Variants in ADAMTSL1 observed in about 807,000 individuals in gnomAD.
ADAMTSL1 encodes ADAMTS-like protein 1.
Under a neutral mutation model 201.8 loss-of-function variants are expected in ADAMTSL1, and 126 were observed. The ratio of observed to expected loss-of-function variants is 0.62; its 90% CI spans 0.54 to 0.72. The LOEUF is 0.72. ADAMTSL1 is among the 30% of genes least tolerant of loss of function. The probability of loss-of-function intolerance (pLI) is 0.00; values close to 1 mark genes in which losing one functional copy is unlikely to be tolerated. For missense variants in ADAMTSL1, 2,679 were observed against 2,277.8 expected, an observed-to-expected ratio of 1.18 and a Z score of -3.59; for synonymous variants, 1,121 against 903.4, an observed-to-expected ratio of 1.24 and a Z score of -4.32.
chr9:17,933,152 C>A (rs534144715), intron 1 of ADAMTSL1, among the ~76,000 whole-genome samples: 4 of 152,238 alleles, frequency 2.6e-5, no homozygotes, highest in African/African-American at 7.2e-5. Flanking sequence ...TCAGCAGATG[C>A]CATGCTCCCT....
At chr9:18,267,175 T>G (rs924498158) in intron 2 of ADAMTSL1, among the ~76,000 whole-genome samples, 1 of 152,172 alleles carries the variant, frequency 6.6e-6, no homozygotes, top group Non-Finnish European at 1.5e-5. Context: ...TGGAGCTATT[T>G]TGAATCATGT....
intron 2 of ADAMTSL1, among the ~76,000 whole-genome samples, chr9:18,210,777 A>G (rs1439679164): frequency 3.3e-5 from 5 of 150,948 alleles, no homozygotes; most frequent in African/African-American, 4.9e-5. Flanking sequence ...TTTTTTGCCT[A>G]TCTTAAAGTC....
At position 18,623,580 on chromosome 9, in the gene ADAMTSL1, T is replaced by C. The variant is rs1222522949; in HGVS notation, c.601+1211T>C. Among the ~76,000 whole-genome samples the C allele has an allele frequency of 2.6e-5, 4 of 152,330 alleles. No homozygotes were observed. In the East Asian group the frequency reaches 5.8e-4, roughly 22 times the overall value. On this transcript the variant is annotated intron_variant, in intron 5 of 28. Transcript: ENST00000380548. ...CTCAGATGTCTACCCAGTCAGGTCC[T>C]GCTAGGATAGATGGTACAAGTTCTC...
intron 2 of ADAMTSL1, among the ~76,000 whole-genome samples, chr9:18,295,007 G>A (rs915683275): frequency 7.9e-5 from 12 of 151,946 alleles, no homozygotes; most frequent in African/African-American, 2.2e-4. Flanking sequence ...AGATCACAGC[G>A]TGTGGCTGTC....
intron 2 of ADAMTSL1, among the ~76,000 whole-genome samples, chr9:18,304,989 A>G (rs1328940868): frequency 6.6e-6 from 1 of 152,188 alleles, no homozygotes; most frequent in East Asian, 1.9e-4. Flanking sequence ...TGATTTCTGC[A>G]TTTCCAGCTG....
chr9:18,322,265 C>G lies in ADAMTSL1; in HGVS notation c.207+158284C>G, dbSNP rs576846370. 1.2e-4 allele frequency among the ~76,000 whole-genome samples: 18 copies of G among 152,108 alleles called. 1 individual carries two copies. In the South Asian group the frequency reaches 3.8e-3, roughly 32 times the overall value. ...TAGAAGGAAATAATAAAAATAAGAG[C>G]TAAAACCAATTATATAGAAAAAAAT... On this transcript the variant is annotated intron_variant, in intron 2 of 29. Transcript: ENST00000680146.
intron 2 of ADAMTSL1, among the ~76,000 whole-genome samples, chr9:18,447,811 C>T (rs1380682210): frequency 6.6e-6 from 1 of 152,216 alleles, no homozygotes; most frequent in Non-Finnish European, 1.5e-5. Flanking sequence ...ATGCATGCCC[C>T]TCAGGGGCCT....
chr9:18,842,724 T>C (rs1825807363), intron 23 of ADAMTSL1, among the ~76,000 whole-genome samples: 1 of 152,220 alleles, frequency 6.6e-6, no homozygotes, highest in South Asian at 2.1e-4. Context: ...TGCTCCCATA[T>C]TGGGTGCATA....
At chr9:17,953,947 A>G (rs1358677049) in intron 1 of ADAMTSL1, among the ~76,000 whole-genome samples, 1 of 152,196 alleles carries the variant, frequency 6.6e-6, no homozygotes. Context: ...AAGGGTCCAT[A>G]TGTCTGGTTG....
At chr9:18,826,229 C>T in intron 21 of ADAMTSL1, 55 bp from the exon 22 acceptor site, 1 of 1,552,268 alleles carries the variant, frequency 6.4e-7, no homozygotes, top group African/African-American at 1.4e-5. Flanking sequence ...TCTGGGCTCA[C>T]CTGAATGTGT....
chr9:18,330,122 T>C (rs935697197), intron 2 of ADAMTSL1, among the ~76,000 whole-genome samples: 4 of 152,168 alleles, frequency 2.6e-5, no homozygotes, highest in Non-Finnish European at 1.5e-5. Context: ...AAATAAAATG[T>C]CCTTATTTAA....
intron 1 of ADAMTSL1, among the ~76,000 whole-genome samples, chr9:18,040,773 A>T (rs918346413): frequency 1.3e-5 from 2 of 152,148 alleles, no homozygotes; most frequent in Admixed American, 6.6e-5. Context: ...ATGAAAAAAA[A>T]AATACTTTGG....
intron 26 of ADAMTSL1, among the ~76,000 whole-genome samples, chr9:18,894,249 C>T (rs905212134): frequency 6.6e-6 from 1 of 151,916 alleles, no homozygotes; most frequent in Non-Finnish European, 1.5e-5. Flanking sequence ...ACTCAGGAGG[C>T]TGAGGCAGAA....
chr9:18,366,505 C>T (rs973437133), intron 2 of ADAMTSL1, among the ~76,000 whole-genome samples: 15 of 151,820 alleles, frequency 9.9e-5, no homozygotes, highest in Non-Finnish European at 1.3e-4. Flanking sequence ...TATCATAAAA[C>T]CTCTTTGGAA....
In ADAMTSL1 at chr9:18,560,838, G is replaced by A. The variant is rs1271229656; in HGVS notation, c.238-13192G>A. Among the ~76,000 whole-genome samples, 7 of 151,626 alleles carry A rather than the reference G, an allele frequency of 4.6e-5. No individual in the cohort carries two copies. In the East Asian group the frequency reaches 1.4e-3, roughly 29 times the overall value. ...CTGATGGTAGTTTGTATTTCTGTGG[G>A]ATCGGTGGTGATATCCCCCTTATCA... On this transcript the variant is annotated intron_variant, in intron 3 of 28. Coordinates refer to ENST00000380548, the MANE Select transcript of ADAMTSL1 (RefSeq NM_001040272.6).
At chr9:18,727,822 G>A (rs11791757) in intron 15 of ADAMTSL1, among the ~76,000 whole-genome samples, 7,351 of 152,236 alleles carry the variant, frequency 0.048, 234 homozygotes, top group Non-Finnish European at 0.076. Flanking sequence ...GCTCATGCCT[G>A]TAATCCCAGC....
upstream of ADAMTSL1, among the ~76,000 whole-genome samples, chr9:18,469,297 A>T (rs1821118573): frequency 6.6e-6 from 1 of 152,198 alleles, no homozygotes. Flanking sequence ...TTGGGTTCAG[A>T]TCTTGGCCCT....
At chr9:18,506,189 G>T (rs1254776402) in intron 2 of ADAMTSL1, among the ~76,000 whole-genome samples, 1 of 152,214 alleles carries the variant, frequency 6.6e-6, no homozygotes. Context: ...AGAACCTTGA[G>T]CTGATAAGAA....
intron 2 of ADAMTSL1, among the ~76,000 whole-genome samples, chr9:18,510,513 AC>A (rs1817962946): frequency 2.0e-5 from 3 of 152,014 alleles, no homozygotes; most frequent in Non-Finnish European, 2.9e-5. Flanking sequence ...TTTCTCCCCT[AC>A]CCTTTTTCTG....
Sources: gnomAD v4.1 joint callset for allele counts (sites outside exome capture counted in the v4.1 genomes callset) on GRCh38, gnomAD v4.1.1 for gene constraint, MANE v1.5 for transcripts, NCBI Gene and HGNC (gene_info 2026-07-23, HGNC 2026-07-21) for gene names.